SLC25A13: variants seen among roughly 807,000 people sequenced by gnomAD.
SLC25A13 encodes electrogenic aspartate/glutamate antiporter SLC25A13, mitochondrial.
A neutral mutation model predicts 85.5 loss-of-function variants in SLC25A13; 70 were observed. That is an observed-to-expected ratio of 0.82 (90% confidence interval 0.68 to 1.00). SLC25A13 has a LOEUF of 1.00. Among genes scored for constraint, SLC25A13 ranks in the 50% least tolerant of loss-of-function variants. SLC25A13 has a pLI of 0.00. For synonymous variants in SLC25A13, 259 were observed against 288.7 expected (o/e 0.90, Z 1.04); for missense variants, 765 against 819.8 (o/e 0.93, Z 0.82).
intron 3 of SLC25A13, among the ~76,000 whole-genome samples, chr7:96,264,079 C>T (rs181611597): frequency 1.5e-4 from 23 of 152,202 alleles, no homozygotes; most frequent in African/African-American, 5.3e-4. Context: ...ATAATTACTC[C>T]CTTGCACGCC....
In SLC25A13 at chr7:96,151,405, C is replaced by A. The variant is rs558062628; in HGVS notation, c.1312-4709G>T. 1.3e-4 allele frequency among the ~76,000 whole-genome samples: 20 copies of A among 151,620 alleles called. No homozygotes were observed. In the East Asian group the frequency reaches 3.7e-3, roughly 28 times the overall value. ...CTGAGGTCAGGAGTTCAGGATAAGC[C>A]TGGCTAATATGGTGAAACTCCATCT... On this transcript the variant is annotated intron_variant, in intron 13 of 17. Transcript: ENST00000265631.
chr7:96,283,470 T>A (rs1203854722), intron 2 of SLC25A13: 6 of 433,570 alleles, frequency 1.4e-5, no homozygotes, highest in Non-Finnish European at 2.3e-5. Context: ...AGAAAGGTGA[T>A]ATTGTAGACA....
At chr7:96,270,046 C>G (rs1798178383) in intron 3 of SLC25A13, among the ~76,000 whole-genome samples, 1 of 152,002 alleles carries the variant, frequency 6.6e-6, no homozygotes, top group African/African-American at 2.4e-5. Context: ...CTCAAGAGAC[C>G]TATTGTACAA....
chr7:96,280,475 G>A (rs907334661), intron 2 of SLC25A13, among the ~76,000 whole-genome samples: 2 of 152,084 alleles, frequency 1.3e-5, no homozygotes, highest in Non-Finnish European at 2.9e-5. Flanking sequence ...CAGCACTTTG[G>A]GAAGCCAAGG....
intron 11 of SLC25A13, among the ~76,000 whole-genome samples, chr7:96,175,416 G>A (rs915221474): frequency 1.3e-5 from 2 of 152,226 alleles, no homozygotes; most frequent in Non-Finnish European, 1.5e-5. Context: ...GGGAGCACTC[G>A]CTATATCCAC....
chr7:96,151,540 T>C (rs1793045574), intron 13 of SLC25A13, among the ~76,000 whole-genome samples: 1 of 151,534 alleles, frequency 6.6e-6, no homozygotes, highest in African/African-American at 2.4e-5. Context: ...GAGATTTCAG[T>C]GAGCCAGGAT....
rs766538572 is a variant in SLC25A13 at position 96,121,100 on chromosome 7, T to G, written c.*91A>C. 2 of 1,388,410 alleles carry G rather than the reference T, an allele frequency of 1.4e-6. No individual in the cohort carries two copies. The highest frequency in any genetic ancestry group is 1.2e-5 in the South Asian group (1 of 85,632). The allele number at this position is 1,388,410 out of a possible 1,614,324, so 86.0% of individuals were successfully genotyped here. A position where few individuals can be genotyped will look rare whatever the true frequency, so the allele number is the denominator to read the frequency against. On this transcript the variant is annotated 3_prime_UTR_variant, in exon 18 of 18. Transcript: ENST00000265631. ...CTTGAATTTAAACAAGAGATGGACG[T>G]AAAAGGGATGAAGCATTGCTTCATT... is the stretch of plus-strand genomic sequence containing the variant.
At chr7:96,277,135 G>C (rs961702061) in intron 3 of SLC25A13, 61 bp downstream of exon 3, 2 of 1,496,438 alleles carry the variant, frequency 1.3e-6, no homozygotes, top group Admixed American at 2.1e-5. Flanking sequence ...CTGGTCATTA[G>C]AGCAAAAGAA....
At chr7:96,303,908 A>C (rs771989903) in intron 1 of SLC25A13, among the ~76,000 whole-genome samples, 5 of 152,048 alleles carry the variant, frequency 3.3e-5, no homozygotes, top group African/African-American at 4.8e-5. Context: ...AAATTGTGTA[A>C]GCCATTTAAT....
intron 2 of SLC25A13, among the ~76,000 whole-genome samples, chr7:96,279,553 CTTA>C (rs755647531): frequency 2.6e-5 from 4 of 152,156 alleles, no homozygotes; most frequent in Non-Finnish European, 5.9e-5. Flanking sequence ...TCTCATGAGA[CTTA>C]TTCACTACTA....
intron 4 of SLC25A13, 80 bp from the exon 5 acceptor site, chr7:96,209,057 G>A (rs946605264): frequency 2.7e-5 from 37 of 1,388,206 alleles, no homozygotes; most frequent in Admixed American, 1.7e-4. Flanking sequence ...AATGGATATC[G>A]CTTTTTCTTA....
intron 1 of SLC25A13, among the ~76,000 whole-genome samples, chr7:96,299,406 T>C (rs1016199222): frequency 1.3e-5 from 2 of 152,238 alleles, no homozygotes; most frequent in African/African-American, 2.4e-5. Flanking sequence ...GCAAGACTAT[T>C]ATCTCGTTGG....
intron 13 of SLC25A13, among the ~76,000 whole-genome samples, chr7:96,149,844 T>A (rs369070358): frequency 5.8e-4 from 89 of 152,334 alleles, no homozygotes; most frequent in African/African-American, 2.0e-3. Context: ...ATACCCATGG[T>A]TCCTCTTTTG....
intron 4 of SLC25A13, among the ~76,000 whole-genome samples, chr7:96,221,303 T>C (rs993893149): frequency 6.6e-6 from 1 of 152,232 alleles, no homozygotes; most frequent in Admixed American, 6.5e-5. Context: ...ACTGTTCTTA[T>C]TCGAAATTCT....
At chr7:96,268,614 G>A (rs187820968) in intron 3 of SLC25A13, among the ~76,000 whole-genome samples, 20 of 152,248 alleles carry the variant, frequency 1.3e-4, no homozygotes, top group African/African-American at 4.8e-4. Context: ...TGGAATGCAG[G>A]GAGGTCTAAA....
chr7:96,124,504 T>A (rs1791645086), intron 15 of SLC25A13, among the ~76,000 whole-genome samples: 1 of 152,236 alleles, frequency 6.6e-6, no homozygotes, highest in African/African-American at 2.4e-5. Flanking sequence ...GAATTTTATC[T>A]TTTATAAAAT....
chr7:96,250,682 G>A (rs1183284746), intron 3 of SLC25A13, among the ~76,000 whole-genome samples: 1 of 142,534 alleles, frequency 7.0e-6, no homozygotes, highest in Non-Finnish European at 1.5e-5. Context: ...TACTTGGGGA[G>A]GAGAAAAGTG....
intron 4 of SLC25A13, among the ~76,000 whole-genome samples, chr7:96,212,474 G>A (rs1221541594): frequency 6.6e-6 from 1 of 152,188 alleles, no homozygotes; most frequent in Non-Finnish European, 1.5e-5. Flanking sequence ...GTAAGGAAAT[G>A]GAGATTTAAG....
At chr7:96,215,458 G>A (rs1449594261) in intron 4 of SLC25A13, among the ~76,000 whole-genome samples, 1 of 152,104 alleles carries the variant, frequency 6.6e-6, no homozygotes, top group African/African-American at 2.4e-5. Flanking sequence ...ACTGGTATAA[G>A]ATAGACACAG....
Sources: gnomAD v4.1 joint callset for allele counts (sites outside exome capture counted in the v4.1 genomes callset) on GRCh38, gnomAD v4.1.1 for gene constraint, MANE v1.5 for transcripts, NCBI Gene and HGNC (gene_info 2026-07-23, HGNC 2026-07-21) for gene names.